The following RBMS1 variants were observed in gnomAD, a reference collection of about 807,000 sequenced individuals.
RBMS1 encodes the protein RNA-binding motif, single-stranded-interacting protein 1.
A neutral mutation model predicts 62.3 loss-of-function variants in RBMS1; 17 were observed. The ratio of observed to expected loss-of-function variants is 0.27; its 90% CI spans 0.19 to 0.41. RBMS1 has a LOEUF of 0.41. RBMS1 is among the 10% of genes least tolerant of loss of function. The pLI, the probability that RBMS1 is intolerant of heterozygous loss-of-function variation, is 1.00. For synonymous variants in RBMS1, 172 were observed against 170.0 expected, an observed-to-expected ratio of 1.01 and a Z score of -0.09; for missense variants, 334 against 504.5, an observed-to-expected ratio of 0.66 and a Z score of 3.24.
intron 1 of RBMS1, among the ~76,000 whole-genome samples, chr2:160,369,958 T>C (rs1404256904): frequency 1.3e-5 from 2 of 152,226 alleles, no homozygotes; most frequent in South Asian, 2.1e-4. Flanking sequence ...GATTTACATA[T>C]CTGAATTTAC....
intron 1 of RBMS1, among the ~76,000 whole-genome samples, chr2:160,433,746 T>A (rs1376984016): frequency 6.6e-6 from 1 of 152,254 alleles, no homozygotes; most frequent in Non-Finnish European, 1.5e-5. Flanking sequence ...CTTTTTCATA[T>A]CATGTCTTCA....
chr2:160,379,130 G>A (rs1432564064), intron 1 of RBMS1, among the ~76,000 whole-genome samples: 5 of 152,010 alleles, frequency 3.3e-5, no homozygotes, highest in African/African-American at 1.2e-4. Flanking sequence ...GTGGCCAGAG[G>A]ATCACTTGAG....
chr2:160,355,951 T>C (rs1236122683), intron 2 of RBMS1, among the ~76,000 whole-genome samples: 1 of 152,062 alleles, frequency 6.6e-6, no homozygotes, highest in Non-Finnish European at 1.5e-5. Context: ...ACAAAAAAAA[T>C]GGGATTCACC....
At chr2:160,285,118 G>T in intron 7 of RBMS1, 74 bp from the exon 8 acceptor site, 1 of 1,439,304 alleles carries the variant, frequency 6.9e-7, no homozygotes, top group Non-Finnish European at 9.8e-7. Flanking sequence ...TTAGCCAGGT[G>T]TGGTGGTGTG....
At chr2:160,292,381 T>C (rs1688727136) in intron 6 of RBMS1, among the ~76,000 whole-genome samples, 1 of 152,170 alleles carries the variant, frequency 6.6e-6, no homozygotes, top group Admixed American at 6.5e-5. Flanking sequence ...CAGGGGGAGC[T>C]CAAACTTTTG....
chr2:160,431,326 C>A lies in RBMS1; in HGVS notation c.75+61963G>T, dbSNP rs565923479. On this transcript the variant is annotated intron_variant, in intron 1 of 13. Transcript: ENST00000348849. ...ACCGAATCAACCTACTAGCCAGATT[C>A]TTTTCTGAGGAAGCAAGCATCCCAC... 5.3e-5 allele frequency among the ~76,000 whole-genome samples: 8 copies of A among 151,724 alleles called. No individual in the cohort carries two copies. The South Asian group carries it at 1.7e-3, about 32-fold the overall frequency.
intron 4 of RBMS1, among the ~76,000 whole-genome samples, chr2:160,307,880 G>A (rs1168923727): frequency 2.0e-5 from 3 of 152,184 alleles, no homozygotes; most frequent in Non-Finnish European, 4.4e-5. Context: ...TTGCAATTTA[G>A]TTTTGAATAT....
At chr2:160,319,016 G>C (rs767590176) in intron 2 of RBMS1, among the ~76,000 whole-genome samples, 4 of 152,108 alleles carry the variant, frequency 2.6e-5, no homozygotes, top group Non-Finnish European at 5.9e-5. Context: ...ATAGATGCTG[G>C]GGAATATAGG....
chr2:160,284,548 T>C (rs560539973), intron 9 of RBMS1: 1 of 509,390 alleles, frequency 2.0e-6, no homozygotes, highest in Non-Finnish European at 3.6e-6. Flanking sequence ...CAAAATGCTA[T>C]GATTCCAAGG....
chr2:160,479,467 C>A (rs1685275563), intron 1 of RBMS1, among the ~76,000 whole-genome samples: 1 of 152,234 alleles, frequency 6.6e-6, no homozygotes, highest in Non-Finnish European at 1.5e-5. Flanking sequence ...GTGACCATTA[C>A]TGATTCCTGT....
At chr2:160,352,286 G>C (rs1375297090) in intron 2 of RBMS1, among the ~76,000 whole-genome samples, 1 of 152,050 alleles carries the variant, frequency 6.6e-6, no homozygotes, top group East Asian at 1.9e-4. Context: ...CCAAGTACTG[G>C]AATTCTACAA....
intron 1 of RBMS1, among the ~76,000 whole-genome samples, chr2:160,423,691 A>T (rs1262254624): frequency 2.6e-5 from 4 of 152,172 alleles, no homozygotes; most frequent in Non-Finnish European, 5.9e-5. Flanking sequence ...ACATTTCAGT[A>T]ATCACCAGTG....
chr2:160,438,020 A>G (rs186179953), intron 1 of RBMS1, among the ~76,000 whole-genome samples: 2 of 152,362 alleles, frequency 1.3e-5, no homozygotes, highest in East Asian at 3.9e-4. Context: ...GACCTGGACA[A>G]AAACTAAGAA....
At chr2:160,407,590 G>A in intron 1 of RBMS1, 1 of 982,974 alleles carries the variant, frequency 1.0e-6, no homozygotes, top group Non-Finnish European at 1.2e-6. Context: ...CAGCCTCGCC[G>A]CGAGGGGGAG....
intron 1 of RBMS1, among the ~76,000 whole-genome samples, chr2:160,373,460 G>T (rs916507317): frequency 4.6e-5 from 7 of 152,144 alleles, no homozygotes; most frequent in African/African-American, 1.7e-4. Flanking sequence ...TTAAGGGTTG[G>T]TTCTGTGCTC....
intron 1 of RBMS1, among the ~76,000 whole-genome samples, chr2:160,392,086 A>T (rs1694894735): frequency 6.6e-6 from 1 of 152,246 alleles, no homozygotes; most frequent in South Asian, 2.1e-4. Flanking sequence ...TGAGCTCTTA[A>T]TCCAAAACCT....
intron 1 of RBMS1, among the ~76,000 whole-genome samples, chr2:160,378,793 A>C (rs1164305407): frequency 6.6e-6 from 1 of 152,044 alleles, no homozygotes; most frequent in African/African-American, 2.4e-5. Flanking sequence ...GTTACTTCAT[A>C]CTCTGTTTCT....
chr2:160,465,943 C>G (rs1204530994), intron 1 of RBMS1, among the ~76,000 whole-genome samples: 5 of 151,974 alleles, frequency 3.3e-5, no homozygotes, highest in African/African-American at 4.8e-5. Context: ...TGTCATCTAA[C>G]TTCCACACAG....
At chr2:160,344,433 G>A (rs1692062065) in intron 2 of RBMS1, among the ~76,000 whole-genome samples, 1 of 152,126 alleles carries the variant, frequency 6.6e-6, no homozygotes, top group African/African-American at 2.4e-5. Context: ...TATCTATGAT[G>A]TTTTGCCTGC....
Sources: allele counts gnomAD v4.1 joint callset (sites outside exome capture counted in the v4.1 genomes callset), GRCh38; gene constraint gnomAD v4.1.1; transcripts MANE v1.5; gene names NCBI Gene and HGNC (gene_info 2026-07-23, HGNC 2026-07-21).